RELN: variants seen among roughly 807,000 people sequenced by gnomAD.
RELN encodes reelin.
RELN carries 108 observed loss-of-function variants against 427.6 expected under a neutral mutation model. That is an observed-to-expected ratio of 0.25 (90% CI 0.22 to 0.30). The LOEUF is 0.30. RELN is among the 10% of genes least tolerant of loss of function. The probability of loss-of-function intolerance (pLI) is 1.00; values close to 1 mark genes in which losing one functional copy is unlikely to be tolerated. For synonymous variants in RELN, 1,524 were observed against 1,513.4 expected (o/e 1.01, Z -0.16); for missense variants, 3,715 against 4,302.8 (o/e 0.86, Z 3.82).
chr7:103,855,611 T>C (rs540228103), intron 2 of RELN, among the ~76,000 whole-genome samples: 6 of 152,306 alleles, frequency 3.9e-5, no homozygotes, highest in South Asian at 2.1e-4. Flanking sequence ...TAACAACTTA[T>C]TATAAAGTGA....
intron 1 of RELN, among the ~76,000 whole-genome samples, chr7:103,943,848 CAAAAAAAAAAAA>C (rs10631941): frequency 2.6e-5 from 2 of 76,440 alleles, no homozygotes; most frequent in African/African-American, 1.2e-4. Context: ...ATTCTGTCTC[CAAAAAAAAAAAA>C]AAAAAAAAAG....
At chr7:103,598,422 A>G (rs187956302) in intron 24 of RELN, among the ~76,000 whole-genome samples, 1 of 152,318 alleles carries the variant, frequency 6.6e-6, no homozygotes, top group Admixed American at 6.5e-5. Context: ...AGGAAGAATG[A>G]TTTTTGGAAG....
chr7:103,748,385 C>G (rs747882561), intron 6 of RELN, among the ~76,000 whole-genome samples: 3 of 152,044 alleles, frequency 2.0e-5, no homozygotes, highest in Non-Finnish European at 2.9e-5. Flanking sequence ...CCTCAACACT[C>G]TATATGTCAT....
rs117561942 is a variant in RELN at position 103,550,058 on chromosome 7, A to G, written c.6302+1009T>C. On this transcript the variant is annotated intron_variant, in intron 41 of 64. Coordinates refer to ENST00000428762, the MANE Select transcript of RELN (RefSeq NM_005045.4). ...TTTTAAAAAGATAGTTGGATTTCCT[A>G]TGAGAATCATATCCTGGCATAATCG... 4.5e-3 allele frequency among the ~76,000 whole-genome samples: 682 copies of G among 152,340 alleles called. 5 individuals are homozygous for G. The highest frequency in any genetic ancestry group is 6.8e-3 in the Middle Eastern group (2 of 294).
intron 22 of RELN, among the ~76,000 whole-genome samples, chr7:103,608,263 C>G (rs563056022): frequency 6.6e-6 from 1 of 152,130 alleles, no homozygotes; most frequent in Non-Finnish European, 1.5e-5. Context: ...TATGGCAGAG[C>G]TTTTAAGCAT....
chr7:103,889,742 T>C (rs936044914), intron 2 of RELN, among the ~76,000 whole-genome samples: 3 of 152,096 alleles, frequency 2.0e-5, no homozygotes, highest in African/African-American at 2.4e-5. Flanking sequence ...ACAAGTAAGT[T>C]TTCTACAGTT....
chr7:103,585,386 A>T (rs1420617593), intron 28 of RELN, among the ~76,000 whole-genome samples: 2 of 152,194 alleles, frequency 1.3e-5, no homozygotes, highest in Admixed American at 6.5e-5. Context: ...AACTGGTATC[A>T]GAGAAATAAA....
intron 31 of RELN, among the ~76,000 whole-genome samples, chr7:103,570,379 A>G (rs1332181688): frequency 6.6e-6 from 1 of 152,238 alleles, no homozygotes; most frequent in African/African-American, 2.4e-5. Context: ...TTAAATTTCA[A>G]TGTATCAAAT....
intron 9 of RELN, among the ~76,000 whole-genome samples, chr7:103,698,572 G>A (rs1049091297): frequency 1.3e-5 from 2 of 152,096 alleles, no homozygotes; most frequent in Non-Finnish European, 2.9e-5. Context: ...GGAGTGCAGT[G>A]GCACTATCAC....
chr7:103,655,858 A>G, intron 12 of RELN, among the ~76,000 whole-genome samples: 1 of 152,102 alleles, frequency 6.6e-6, no homozygotes, highest in East Asian at 1.9e-4. Context: ...CGCTGCCATT[A>G]AAATTACTGG....
intron 62 of RELN, among the ~76,000 whole-genome samples, chr7:103,483,193 C>T (rs1828302720): frequency 6.6e-6 from 1 of 152,172 alleles, no homozygotes; most frequent in South Asian, 2.1e-4. Flanking sequence ...TCCTCCTTTC[C>T]CTTGTTCCAT....
intron 20 of RELN, among the ~76,000 whole-genome samples, chr7:103,619,896 T>G (rs998182723): frequency 6.6e-6 from 1 of 150,902 alleles, no homozygotes; most frequent in Non-Finnish European, 1.5e-5. Flanking sequence ...GTGTGTGTGT[T>G]TGTAGATGAG....
At chr7:103,522,329 G>A (rs892480526) in intron 47 of RELN, 130 bp from the exon 48 acceptor site, 3 of 856,624 alleles carry the variant, frequency 3.5e-6, no homozygotes, top group African/African-American at 3.3e-5. Context: ...CAGAGAGCTT[G>A]CCAGAATACA....
chr7:103,640,391 T>C lies in RELN; in HGVS notation c.2069+152A>G, dbSNP rs529434420. On this transcript the variant is annotated intron_variant, in intron 17 of 64. Coordinates refer to ENST00000428762, the MANE Select transcript of RELN (RefSeq NM_005045.4). This position sits in a 1 kb window ranked among gnomAD's most constrained non-coding sequence, Gnocchi z 4.1. Reference sequence around the variant, plus strand: ...GTATTAATTTTCACTTAAAAATACATTTGAATTACACTTAAGTTCTAATAG... The same window carrying C: ...GTATTAATTTTCACTTAAAAATACACTTGAATTACACTTAAGTTCTAATAG... 2.5e-3 allele frequency: 1,797 copies of C among 728,330 alleles called. 11 individuals carry two copies. The highest frequency in any genetic ancestry group is 3.7e-3 in the Non-Finnish European group (1,585 of 423,134). The allele number at this position is 728,330 out of a possible 1,614,324, so 45.1% of individuals were successfully genotyped here. A position where few individuals can be genotyped will look rare whatever the true frequency, so the allele number is the denominator to read the frequency against.
intron 10 of RELN, among the ~76,000 whole-genome samples, chr7:103,686,030 T>C (rs974851904): frequency 2.6e-5 from 4 of 152,194 alleles, no homozygotes; most frequent in Admixed American, 2.6e-4. Flanking sequence ...TCATCAAAGA[T>C]GAACACCGAA....
chr7:103,592,280 C>T (rs939146258), intron 27 of RELN, among the ~76,000 whole-genome samples: 2 of 152,154 alleles, frequency 1.3e-5, no homozygotes, highest in East Asian at 1.9e-4. Flanking sequence ...CAAGTGAGAA[C>T]ATGTGGCATC....
intron 9 of RELN, 70 bp from the exon 10 acceptor site, chr7:103,698,163 C>A (rs1205953187): frequency 6.3e-7 from 1 of 1,587,602 alleles, no homozygotes; most frequent in Non-Finnish European, 8.6e-7. Context: ...AATTTTGTTT[C>A]TTAAGGTTGT....
In RELN at chr7:103,626,254, G is replaced by C. The variant is rs1235595585; in HGVS notation, c.2702+3686C>G. Among the ~76,000 whole-genome samples the C allele has an allele frequency of 3.3e-5, 5 of 152,032 alleles. No homozygotes were observed. The highest frequency in any genetic ancestry group is 1.2e-4 in the African/African-American group (5 of 41,430). On this transcript the variant is annotated intron_variant, in intron 20 of 64. Coordinates refer to ENST00000428762, the MANE Select transcript of RELN (RefSeq NM_005045.4). The surrounding 1 kb of genome is among the most constrained non-coding windows in gnomAD (Gnocchi z 4.4). ...GTGGCAGTGTGAGAATTTGAAATCA[G>C]GCCTACGACCTCAAAGCCTATGTTT...
chr7:103,910,328 T>C (rs1486791810), intron 2 of RELN, among the ~76,000 whole-genome samples: 5 of 147,130 alleles, frequency 3.4e-5, no homozygotes, highest in Non-Finnish European at 7.4e-5. Flanking sequence ...ACAATGGGGT[T>C]TTCTAGATAT....
Sources: allele counts gnomAD v4.1 joint callset (sites outside exome capture counted in the v4.1 genomes callset), GRCh38; gene constraint gnomAD v4.1.1; non-coding constraint Gnocchi (gnomAD v3.1); transcripts MANE v1.5; gene names NCBI Gene and HGNC (gene_info 2026-07-23, HGNC 2026-07-21).